PIEZO2: variants seen among roughly 807,000 people sequenced by gnomAD.
PIEZO2 encodes the protein piezo type mechanosensitive ion channel component 2.
PIEZO2 carries 172 observed loss-of-function variants against 337.3 expected under a neutral mutation model. The observed-to-expected ratio is 0.51, with a 90% CI of 0.45 to 0.58. The LOEUF is 0.58. PIEZO2 is among the 20% of genes least tolerant of loss of function. PIEZO2 has a pLI of 0.00. For missense variants in PIEZO2, 3,028 were observed against 3,391.3 expected (o/e 0.89, Z 2.66); for synonymous variants, 1,251 against 1,228.5 (o/e 1.02, Z -0.38).
intron 36 of PIEZO2, among the ~76,000 whole-genome samples, chr18:10,721,703 G>A (rs763690243): frequency 6.6e-6 from 1 of 152,042 alleles, no homozygotes; most frequent in African/African-American, 2.4e-5. Context: ...TCAAAATACA[G>A]AGTCTGAAAA....
At chr18:10,939,975 T>C (rs1470914893) in intron 3 of PIEZO2, among the ~76,000 whole-genome samples, 1 of 152,080 alleles carries the variant, frequency 6.6e-6, no homozygotes, top group Non-Finnish European at 1.5e-5. Context: ...CAGTGTGACA[T>C]ATGACTGTGT....
intron 1 of PIEZO2, among the ~76,000 whole-genome samples, chr18:11,136,564 A>T (rs1441049398): frequency 6.6e-6 from 1 of 152,264 alleles, no homozygotes; most frequent in African/African-American, 2.4e-5. Context: ...CAAGGCCAAC[A>T]CGAGTCAGGA....
chr18:10,685,541 G>A (rs182047913), intron 49 of PIEZO2, among the ~76,000 whole-genome samples: 1 of 152,336 alleles, frequency 6.6e-6, no homozygotes, highest in Admixed American at 6.5e-5. Flanking sequence ...CTCATTGGGA[G>A]GCGGGGTGGT....
intron 4 of PIEZO2, among the ~76,000 whole-genome samples, chr18:10,876,158 T>A (rs1370844417): frequency 6.6e-6 from 1 of 152,226 alleles, no homozygotes; most frequent in African/African-American, 2.4e-5. Flanking sequence ...CTAAAGTACG[T>A]TCATCAGAAT....
At chr18:10,774,643 T>C (rs1375753316) in intron 18 of PIEZO2, among the ~76,000 whole-genome samples, 1 of 152,230 alleles carries the variant, frequency 6.6e-6, no homozygotes, top group Non-Finnish European at 1.5e-5. Context: ...AGTTTATTTC[T>C]TAGTGGACCA....
chr18:10,834,426 C>A lies in PIEZO2; in HGVS notation c.917+20927G>T, dbSNP rs984104858. Among the ~76,000 whole-genome samples the A allele has an allele frequency of 1.3e-5, 2 of 152,168 alleles. No individual in the cohort carries two copies. The highest frequency in any genetic ancestry group is 4.8e-5 in the African/African-American group (2 of 41,430). On this transcript the variant is annotated intron_variant, in intron 7 of 55. Coordinates refer to ENST00000674853, the MANE Select transcript of PIEZO2 (RefSeq NM_001378183.1). This position sits in a 1 kb window ranked among gnomAD's most constrained non-coding sequence, Gnocchi z 4.5. Reference sequence around the variant, plus strand: ...CGACAATACTATGTGCTCAATACACCTTAACTATTACAACTATGATATTAT... The same window carrying A: ...CGACAATACTATGTGCTCAATACACATTAACTATTACAACTATGATATTAT...
At chr18:11,087,915 C>T (rs907460418) in intron 1 of PIEZO2, among the ~76,000 whole-genome samples, 4 of 152,250 alleles carry the variant, frequency 2.6e-5, no homozygotes, top group Non-Finnish European at 5.9e-5. Flanking sequence ...GCAGTCCCTG[C>T]TGCTTTTGCT....
chr18:11,138,574 C>T (rs1175744056), intron 1 of PIEZO2, among the ~76,000 whole-genome samples: 2 of 152,170 alleles, frequency 1.3e-5, no homozygotes, highest in Non-Finnish European at 2.9e-5. Flanking sequence ...GGATTACAGG[C>T]GTGAGCCACC....
chr18:11,108,151 G>A (rs1261530978), intron 1 of PIEZO2, among the ~76,000 whole-genome samples: 1 of 152,078 alleles, frequency 6.6e-6, no homozygotes, highest in Non-Finnish European at 1.5e-5. Context: ...ACATCAATAT[G>A]CTCTGCATTC....
chr18:10,904,411 G>A (rs1035776278), intron 4 of PIEZO2, among the ~76,000 whole-genome samples: 7 of 152,214 alleles, frequency 4.6e-5, no homozygotes, highest in Admixed American at 4.6e-4. Context: ...GATGGAAAAG[G>A]TCTACTGTGT....
rs1431916672 is a variant in PIEZO2 at position 11,110,467 on chromosome 18, G to T, written c.64+38058C>A. Among the ~76,000 whole-genome samples, 1 of 152,186 alleles carries T rather than the reference G, an allele frequency of 6.6e-6. No individual in the cohort carries two copies. The highest frequency in any genetic ancestry group is 1.5e-5 in the Non-Finnish European group (1 of 68,026). ...GCGGCCTTAACTCCTCACAAGTCCC[G>T]TGGGTCCCCATGTGACCTCAGTCCA... On this transcript the variant is annotated intron_variant, in intron 1 of 55. Coordinates refer to ENST00000674853, the MANE Select transcript of PIEZO2 (RefSeq NM_001378183.1). The surrounding 1 kb of genome is among the most constrained non-coding windows in gnomAD (Gnocchi z 4.2).
At chr18:10,801,872 G>C (rs2039828389) in intron 9 of PIEZO2, among the ~76,000 whole-genome samples, 2 of 152,148 alleles carry the variant, frequency 1.3e-5, no homozygotes, top group South Asian at 4.2e-4. Flanking sequence ...AGATCACGAG[G>C]CCAGGGGATC....
At chr18:11,147,084 A>T (rs2040828995) in intron 1 of PIEZO2, among the ~76,000 whole-genome samples, 1 of 152,372 alleles carries the variant, frequency 6.6e-6, no homozygotes, top group East Asian at 1.9e-4. Flanking sequence ...ATCCCTGAGC[A>T]GTGACACCCT....
chr18:10,729,273 T>C (rs1598408269), intron 36 of PIEZO2, among the ~76,000 whole-genome samples: 1 of 152,360 alleles, frequency 6.6e-6, no homozygotes, highest in East Asian at 1.9e-4. Flanking sequence ...TTTTCCTTTT[T>C]ATTTTTTAAT....
At position 10,759,516 on chromosome 18, in the gene PIEZO2, A is replaced by C; in HGVS notation, c.3723T>G (p.Asp1241Glu). The change falls in exon 26 of 56, where the codon GAT becomes GAG. Residue 1241 changes from aspartate (D) to glutamate (E), a missense_variant. This residue lies in a region of PIEZO2 where 1,925 missense variants were observed against 2,051.9 expected (regional missense o/e 0.94). Coordinates refer to ENST00000674853, the MANE Select transcript of PIEZO2 (RefSeq NM_001378183.1). The surrounding 1 kb of genome is among the most constrained non-coding windows in gnomAD (Gnocchi z 5.5). ...DNIIKWLYFP[D>E]FIVRPNPVFL... is the part of the protein sequence containing the mutation. ...ACACAGGGTTGGGCCGCACAATGAA[A>C]TCTGGGAAGTACAGCCACTTTATGA... 6.5e-7 allele frequency: 1 copy of C among 1,537,220 alleles called. No homozygotes were observed. Among genetic ancestry groups the C allele is most frequent in the Non-Finnish European group, 8.7e-7 (1 of 1,146,928 alleles).
intron 2 of PIEZO2, among the ~76,000 whole-genome samples, chr18:11,042,227 C>T (rs1474575973): frequency 6.6e-6 from 1 of 152,176 alleles, no homozygotes; most frequent in Non-Finnish European, 1.5e-5. Flanking sequence ...TCTCAGAGGA[C>T]AGACCCTGGA....
chr18:10,835,210 A>T (rs1214239100), intron 7 of PIEZO2, among the ~76,000 whole-genome samples: 1 of 152,078 alleles, frequency 6.6e-6, no homozygotes, highest in African/African-American at 2.4e-5. Flanking sequence ...AACCTACAGT[A>T]TATTATTATA....
Position 10,787,088 on chromosome 18 carries a change from A to G in PIEZO2, c.2266T>C (p.Phe756Leu), listed in dbSNP as rs1286490714. 6.5e-7 allele frequency: 1 copy of G among 1,535,584 alleles called. No homozygotes were observed. The highest frequency in any genetic ancestry group is 2.0e-5 in the Admixed American group (1 of 50,800). Residue 756 changes from phenylalanine (F) to leucine (L), a missense_variant, in exon 16 of 56, where the codon TTT (phenylalanine) becomes CTT (leucine). By Grantham distance (22) the Phe-to-Leu change is conservative. Transcript: ENST00000674853. The part of the protein sequence containing the change: ...LVLIFIYTYQ[F>L]ENFPGLWQNM... The stretch of plus-strand genomic sequence containing the variant: ...TGCCACAGGCCTGGGAAGTTCTCAA[A>G]CTGATATGTGTATATAAAGATAAGC...
intron 7 of PIEZO2, among the ~76,000 whole-genome samples, chr18:10,807,820 A>G (rs1199692183): frequency 1.3e-5 from 2 of 152,240 alleles, no homozygotes; most frequent in Non-Finnish European, 2.9e-5. Flanking sequence ...ATCAAATACC[A>G]TTTATGAGCA....
Sources: gnomAD v4.1 joint callset for allele counts (sites outside exome capture counted in the v4.1 genomes callset) on GRCh38, gnomAD v4.1.1 for gene constraint, gnomAD v4.1.1 regional missense constraint, Gnocchi (gnomAD v3.1) non-coding constraint, MANE v1.5 for transcripts, NCBI Gene and HGNC (gene_info 2026-07-23, HGNC 2026-07-21) for gene names.